RGS22: variants seen among roughly 807,000 people sequenced by gnomAD.
RGS22 encodes regulator of G protein signaling 22.
A neutral mutation model predicts 172.9 loss-of-function variants in RGS22; 148 were observed. The ratio of observed to expected loss-of-function variants is 0.86; its 90% CI spans 0.75 to 0.98. The LOEUF (loss-of-function observed/expected upper bound fraction) is 0.98, where lower values mean the gene tolerates loss of function less well. Among genes scored for constraint, RGS22 ranks in the 50% least tolerant of loss-of-function variants. The pLI is 0.00. For synonymous variants in RGS22, 458 were observed against 480.2 expected, an observed-to-expected ratio of 0.95 and a Z score of 0.60; for missense variants, 1,347 against 1,440.8, an observed-to-expected ratio of 0.93 and a Z score of 1.05.
intron 14 of RGS22, among the ~76,000 whole-genome samples, chr8:100,034,804 A>G (rs187597508): frequency 2.6e-5 from 4 of 152,306 alleles, no homozygotes; most frequent in African/African-American, 7.2e-5. Context: ...ATAACACCAC[A>G]TATCTAGAAC....
rs768262592 is a variant in RGS22 at position 100,047,588 on chromosome 8, T to C, written c.1698A>G (p.Glu566=). ...ATTTAGGAGGTTGTGATAAGCTGAA[T>C]TCTTCTTTCTAAAAGATGGTAACAT... The part of the protein sequence containing the change: ...IPQIPEIQKE[E]FSLSQPPKSP... Residue 566 remains glutamate (E), a synonymous_variant, in exon 11 of 28, where the codon GAA becomes GAG. Transcript: ENST00000360863. 20 of 1,607,338 alleles carry C rather than the reference T, an allele frequency of 1.2e-5. No individual in the cohort carries two copies. The Admixed American group carries it at 2.7e-4, about 22-fold the overall frequency.
chr8:99,967,861 C>T (rs1810917718), intron 23 of RGS22, among the ~76,000 whole-genome samples: 1 of 152,192 alleles, frequency 6.6e-6, no homozygotes, highest in Admixed American at 6.5e-5. Context: ...AAAGATCTCC[C>T]AGCACAGTTC....
intron 10 of RGS22, among the ~76,000 whole-genome samples, chr8:100,048,297 A>C (rs1340013999): frequency 2.6e-5 from 4 of 152,206 alleles, no homozygotes; most frequent in Non-Finnish European, 5.9e-5. Flanking sequence ...AAAAGAGATA[A>C]TCAGAAAACA....
At chr8:100,050,822 TCTCA>T (rs944147770) in intron 10 of RGS22, 3 of 152,226 alleles carry the variant, frequency 2.0e-5, no homozygotes, top group African/African-American at 4.8e-5. Flanking sequence ...TATTGCTACT[TCTCA>T]CTCATTCATT....
chr8:100,077,001 A>G (rs1811401810), intron 4 of RGS22, among the ~76,000 whole-genome samples: 1 of 152,130 alleles, frequency 6.6e-6, no homozygotes, highest in African/African-American at 2.4e-5. Context: ...TCAAAAAAAA[A>G]GAAAAAAAAA....
chr8:100,059,469 A>C lies in RGS22; in HGVS notation c.1514+3122T>G, dbSNP rs540002162. Among the ~76,000 whole-genome samples the C allele has an allele frequency of 2.2e-3, 334 of 152,228 alleles. 2 individuals carry two copies. The highest frequency in any genetic ancestry group is 7.8e-3 in the African/African-American group (322 of 41,544). On this transcript the variant is annotated intron_variant, in intron 9 of 27. Coordinates refer to ENST00000360863, the MANE Select transcript of RGS22 (RefSeq NM_015668.5). ...ATGTTCCATGTCAATGGAAACAAAA[A>C]AAAAAAAGCAGGAGTAGCTATACTT... is the stretch of plus-strand genomic sequence containing the variant.
Position 100,001,840 on chromosome 8 carries a change from T to C in RGS22, c.2790+362A>G, listed in dbSNP as rs1174727713. On this transcript the variant is annotated intron_variant, in intron 18 of 27. Coordinates refer to ENST00000360863, the MANE Select transcript of RGS22 (RefSeq NM_015668.5). ...GGTTGATAACAGCTGTTTTCCTACATGTTGACAGGTGCAGGGAGCTTGTCC... is the reference window on the plus strand; with the variant it reads ...GGTTGATAACAGCTGTTTTCCTACACGTTGACAGGTGCAGGGAGCTTGTCC... Among the ~76,000 whole-genome samples the C allele has an allele frequency of 4.6e-5, 7 of 152,218 alleles. No individual in the cohort carries two copies. The East Asian group carries it at 1.3e-3, about 29-fold the overall frequency.
chr8:100,063,971 G>A lies in RGS22; in HGVS notation c.797C>T (p.Ser266Phe). The part of the protein sequence containing the change: ...KDPSKTNKLI[S>F]EFEEEEGEEE... ...TTCTCCTTCTTCTTCTTCAAATTCA[G>A]AAATCAATTTGTTGGTTTTAGATGG... is the stretch of plus-strand genomic sequence containing the variant. The change falls in exon 8 of 28, where the codon TCT (serine) becomes TTT (phenylalanine). Residue 266 changes from serine (S) to phenylalanine (F), a missense_variant. Physicochemically the swap from Ser to Phe is radical, Grantham distance 155. Transcript: ENST00000360863. 6.4e-7 allele frequency: 1 copy of A among 1,571,012 alleles called. No individual in the cohort carries two copies. Among genetic ancestry groups the A allele is most frequent in the Non-Finnish European group, 8.6e-7 (1 of 1,161,882 alleles).
Position 100,105,916 on chromosome 8 carries a change from G to C in RGS22, c.6C>G (p.Pro2=), listed in dbSNP as rs1196819503. Residue 2 remains proline, a synonymous_variant, in exon 1 of 28, where the codon CCC becomes CCG. Coordinates refer to ENST00000360863, the MANE Select transcript of RGS22 (RefSeq NM_015668.5). ...ACCTACCCGCGGTGAGCCTCTTCTC[G>C]GGCATGCCGTCCCCGCTGCCCGCGC... is the stretch of plus-strand genomic sequence containing the variant. M[P]EKRLTAEPPT... is the part of the protein sequence containing the mutation. 6.0e-6 allele frequency: 9 copies of C among 1,492,084 alleles called. No individual in the cohort carries two copies. The highest frequency in any genetic ancestry group is 2.9e-5 in the East Asian group (1 of 34,024). 92.4% of individuals were successfully genotyped at this position (1,492,084 alleles called of 1,614,324 possible).
At position 99,999,439 on chromosome 8, in the gene RGS22, A is replaced by T. The variant is rs748742068; in HGVS notation, c.2791-19T>A. 1.7e-5 allele frequency: 28 copies of T among 1,609,560 alleles called. No homozygotes were observed. In the East Asian group the frequency reaches 5.4e-4, roughly 31 times the overall value. On this transcript the variant is annotated intron_variant, in intron 18 of 27. Coordinates refer to ENST00000360863, the MANE Select transcript of RGS22 (RefSeq NM_015668.5). ...GCATTACCTAAGAAAATTAAGATGG[A>T]AACAGAAACTATTGTGCTTTCTAAA...
At chr8:100,090,609 C>G (rs185021988) in intron 3 of RGS22, among the ~76,000 whole-genome samples, 1 of 152,156 alleles carries the variant, frequency 6.6e-6, no homozygotes, top group Non-Finnish European at 1.5e-5. Context: ...AGACAAAGCA[C>G]TATAAGTGGA....
chr8:100,061,704 G>A (rs556018895), intron 9 of RGS22, among the ~76,000 whole-genome samples: 2 of 152,298 alleles, frequency 1.3e-5, no homozygotes, highest in South Asian at 4.1e-4. Context: ...TGGTGGGAGT[G>A]TAAATTAGTT....
At chr8:100,036,394 G>A (rs539250223) in intron 14 of RGS22, among the ~76,000 whole-genome samples, 3 of 152,188 alleles carry the variant, frequency 2.0e-5, no homozygotes, top group African/African-American at 7.2e-5. Flanking sequence ...CAAACTCTTG[G>A]ACTCTTTAGT....
intron 3 of RGS22, among the ~76,000 whole-genome samples, chr8:100,087,998 A>G (rs1453160390): frequency 6.6e-6 from 1 of 152,134 alleles, no homozygotes; most frequent in Non-Finnish European, 1.5e-5. Flanking sequence ...CTAGAGCTTT[A>G]TCAACACCTG....
chr8:99,968,367 G>A (rs1281028481), intron 23 of RGS22, among the ~76,000 whole-genome samples: 2 of 152,046 alleles, frequency 1.3e-5, no homozygotes, highest in African/African-American at 2.4e-5. Flanking sequence ...GGCACAAAAC[G>A]GGATGAAGAA....
chr8:99,984,586 A>C (rs1226570539), intron 21 of RGS22, among the ~76,000 whole-genome samples: 1 of 152,098 alleles, frequency 6.6e-6, no homozygotes, highest in Non-Finnish European at 1.5e-5. Flanking sequence ...GTACTCCCAT[A>C]GCACACTGTG....
chr8:99,996,875 T>G (rs759757590), intron 19 of RGS22, among the ~76,000 whole-genome samples: 3 of 152,198 alleles, frequency 2.0e-5, no homozygotes, highest in Non-Finnish European at 4.4e-5. Context: ...CACAACTAAT[T>G]TTAAAAGAGT....
At chr8:100,085,775 C>A (rs1812112553) in intron 3 of RGS22, among the ~76,000 whole-genome samples, 1 of 152,190 alleles carries the variant, frequency 6.6e-6, no homozygotes, top group South Asian at 2.1e-4. Flanking sequence ...CTCACACCCT[C>A]TACAGGGCAC....
intron 2 of RGS22, among the ~76,000 whole-genome samples, chr8:100,101,443 ATTTTTTTTTTTT>A (rs57644659): frequency 8.6e-6 from 1 of 116,778 alleles, no homozygotes; most frequent in African/African-American, 3.3e-5. Context: ...TGCCCAGCTA[ATTTTTTTTTTTT>A]TTTTTTTTTT....
Sources: allele counts gnomAD v4.1 joint callset (sites outside exome capture counted in the v4.1 genomes callset), GRCh38; gene constraint gnomAD v4.1.1; transcripts MANE v1.5; gene names NCBI Gene and HGNC (gene_info 2026-07-23, HGNC 2026-07-21).